The following ERC2 variants were observed in gnomAD, a reference collection of about 807,000 sequenced individuals.
The protein encoded by ERC2 is ERC protein 2.
ERC2 carries 42 observed loss-of-function variants against 114.8 expected under a neutral mutation model. That is an observed-to-expected ratio of 0.37 (90% CI 0.29 to 0.47). The LOEUF (loss-of-function observed/expected upper bound fraction) is 0.47. Ranked by LOEUF, ERC2 falls within the 20% of genes least tolerant of loss-of-function variation. ERC2 has a pLI of 0.99. For synonymous variants in ERC2, 454 were observed against 425.5 expected (o/e 1.07, Z -0.82); for missense variants, 939 against 1,150.7 (o/e 0.82, Z 2.66).
chr3:56,178,702 C>T (rs928726642), intron 3 of ERC2, among the ~76,000 whole-genome samples: 1 of 152,074 alleles, frequency 6.6e-6, no homozygotes, highest in Non-Finnish European at 1.5e-5. Context: ...ACAAGAAATA[C>T]AGCAGTGAAC....
At chr3:56,344,427 C>T (rs1484607582) in intron 2 of ERC2, among the ~76,000 whole-genome samples, 2 of 152,136 alleles carry the variant, frequency 1.3e-5, no homozygotes, top group African/African-American at 2.4e-5. Flanking sequence ...ATTACTGTAA[C>T]GAAGTGCCCT....
At chr3:56,279,778 G>C (rs1443936876) in intron 3 of ERC2, among the ~76,000 whole-genome samples, 1 of 152,170 alleles carries the variant, frequency 6.6e-6, no homozygotes, top group Non-Finnish European at 1.5e-5. Context: ...CAGTTAAGAG[G>C]ACCAAGCCAA....
At chr3:56,079,987 C>T (rs2077154913) in intron 7 of ERC2, among the ~76,000 whole-genome samples, 1 of 152,104 alleles carries the variant, frequency 6.6e-6, no homozygotes, top group Admixed American at 6.5e-5. Flanking sequence ...TGGCAGCATC[C>T]AGGTCAGAGG....
At chr3:56,445,612 C>T (rs758023329) in intron 1 of ERC2, among the ~76,000 whole-genome samples, 3 of 152,140 alleles carry the variant, frequency 2.0e-5, no homozygotes, top group East Asian at 3.9e-4. Context: ...TGGACAAAAC[C>T]AAAACGCTTC....
At chr3:55,600,300 A>T (rs2058340092) in intron 17 of ERC2, among the ~76,000 whole-genome samples, 1 of 152,244 alleles carries the variant, frequency 6.6e-6, no homozygotes, top group South Asian at 2.1e-4. Context: ...TACCAGAAAA[A>T]TGTAAAAGAG....
intron 2 of ERC2, among the ~76,000 whole-genome samples, chr3:56,407,055 A>C (rs2060755988): frequency 6.6e-6 from 1 of 152,170 alleles, no homozygotes; most frequent in Non-Finnish European, 1.5e-5. Context: ...AGACAGGATA[A>C]GTGTCTTTTT....
intron 17 of ERC2, among the ~76,000 whole-genome samples, chr3:55,551,991 C>A (rs1052784353): frequency 3.3e-5 from 5 of 152,014 alleles, no homozygotes; most frequent in African/African-American, 1.2e-4. Context: ...TGAAACATAC[C>A]CCAGGCCCTA....
At chr3:56,243,268 G>A (rs1560446970) in intron 3 of ERC2, among the ~76,000 whole-genome samples, 2 of 152,176 alleles carry the variant, frequency 1.3e-5, no homozygotes, top group Non-Finnish European at 2.9e-5. Context: ...CTACCAAGAA[G>A]AATTAGACAC....
At chr3:55,592,956 A>T (rs2057966050) in intron 17 of ERC2, among the ~76,000 whole-genome samples, 1 of 152,044 alleles carries the variant, frequency 6.6e-6, no homozygotes, top group Admixed American at 6.5e-5. Context: ...GGTGCTTGAA[A>T]TTTTTTTCCT....
At chr3:55,744,938 G>C (rs148551603) in intron 14 of ERC2, among the ~76,000 whole-genome samples, 1 of 152,158 alleles carries the variant, frequency 6.6e-6, no homozygotes, top group Non-Finnish European at 1.5e-5. Context: ...AGAAATGCTA[G>C]CATTTGCTTA....
At chr3:55,730,713 A>T (rs1019843565) in intron 15 of ERC2, among the ~76,000 whole-genome samples, 1 of 152,234 alleles carries the variant, frequency 6.6e-6, no homozygotes, top group Non-Finnish European at 1.5e-5. Flanking sequence ...TCTACAAAAA[A>T]ATACAAAAAT....
chr3:55,943,860 G>A (rs60677507), intron 13 of ERC2, among the ~76,000 whole-genome samples: 43,455 of 151,968 alleles, frequency 0.29, 7,415 homozygotes, highest in Middle Eastern at 0.36. Context: ...GGTAAACAGA[G>A]GCAAGACAGA....
chr3:55,949,308 T>G (rs1454529610), intron 13 of ERC2, among the ~76,000 whole-genome samples: 2 of 151,972 alleles, frequency 1.3e-5, no homozygotes, highest in African/African-American at 4.8e-5. Flanking sequence ...AGGTGGAGCT[T>G]GCAGTGACCC....
chr3:55,629,050 T>A (rs1367229429), intron 17 of ERC2, among the ~76,000 whole-genome samples: 1 of 152,106 alleles, frequency 6.6e-6, no homozygotes, highest in Non-Finnish European at 1.5e-5. Context: ...CAGATGCAGA[T>A]GAACTACTGT....
chr3:56,193,731 C>T (rs2047930542), intron 3 of ERC2, among the ~76,000 whole-genome samples: 1 of 152,132 alleles, frequency 6.6e-6, no homozygotes, highest in Admixed American at 6.5e-5. Context: ...CCCCATTTTG[C>T]AACAGAGAAA....
intron 17 of ERC2, among the ~76,000 whole-genome samples, chr3:55,612,493 T>C (rs1196518903): frequency 6.6e-6 from 1 of 152,214 alleles, no homozygotes; most frequent in Non-Finnish European, 1.5e-5. Flanking sequence ...TAGAAGTTGG[T>C]ATCCAGAGAT....
intron 3 of ERC2, among the ~76,000 whole-genome samples, chr3:56,285,678 A>G (rs1254310221): frequency 1.3e-5 from 2 of 152,246 alleles, no homozygotes; most frequent in Non-Finnish European, 2.9e-5. Context: ...GAGTAAGACC[A>G]GTGTCCATGG....
chr3:55,758,614 A>T (rs1488484281), intron 14 of ERC2, among the ~76,000 whole-genome samples: 1 of 152,208 alleles, frequency 6.6e-6, no homozygotes, highest in Non-Finnish European at 1.5e-5. Flanking sequence ...GTCTCCTAGG[A>T]CATCGCTAGC....
chr3:55,624,491 G>A (rs899694991), intron 17 of ERC2, among the ~76,000 whole-genome samples: 2 of 152,202 alleles, frequency 1.3e-5, no homozygotes, highest in Non-Finnish European at 2.9e-5. Context: ...GACTGGTGCT[G>A]AGAGGACAGA....
Sources: allele counts gnomAD v4.1 joint callset (sites outside exome capture counted in the v4.1 genomes callset), GRCh38; gene constraint gnomAD v4.1.1; transcripts MANE v1.5; gene names NCBI Gene and HGNC (gene_info 2026-07-23, HGNC 2026-07-21).